Variants in TFDP2 observed in about 807,000 individuals in gnomAD.
TFDP2 encodes the protein transcription factor Dp-2 (E2F dimerization partner 2).
A neutral mutation model predicts 59.3 loss-of-function variants in TFDP2; 17 were observed. The observed-to-expected ratio is 0.29, with a 90% CI of 0.20 to 0.43. TFDP2 has a LOEUF of 0.43. Ranked by LOEUF, TFDP2 falls within the 20% of genes least tolerant of loss-of-function variation. The pLI is 1.00. For synonymous variants in TFDP2, 180 were observed against 194.7 expected (o/e 0.92, Z 0.63); for missense variants, 391 against 528.8 (o/e 0.74, Z 2.56).
chr3:142,099,710 A>G (rs904184168), intron 2 of TFDP2, among the ~76,000 whole-genome samples: 5 of 152,004 alleles, frequency 3.3e-5, no homozygotes, highest in African/African-American at 1.2e-4. Context: ...AAAAAAAAAA[A>G]AAAAGAAATG....
intron 1 of TFDP2, among the ~76,000 whole-genome samples, chr3:142,123,002 G>T (rs1311458017): frequency 1.3e-5 from 2 of 151,328 alleles, no homozygotes; most frequent in Non-Finnish European, 2.9e-5. Flanking sequence ...CCGTCGCTCA[G>T]ACTGGAGTGC....
intron 1 of TFDP2, among the ~76,000 whole-genome samples, chr3:142,105,882 A>G (rs1196633541): frequency 6.6e-6 from 1 of 152,186 alleles, no homozygotes; most frequent in Non-Finnish European, 1.5e-5. Context: ...AAATAGTAAG[A>G]GTCAGCCACT....
rs1028676993 is a variant in TFDP2, at chr3:142,149,287, G to A, written c.-197C>T. ...TCTGTGGCGCCCGCGCTTAGGCGGC[G>A]GCCGGGTCCCGGTGGACTCACACCC... On this transcript the variant is annotated 5_prime_UTR_variant, in exon 1 of 13. Coordinates refer to ENST00000489671, the MANE Select transcript of TFDP2 (RefSeq NM_001178139.2). 3 of 396,256 alleles carry A rather than the reference G, an allele frequency of 7.6e-6. No homozygotes were observed. In the East Asian group the frequency reaches 1.1e-4, roughly 14 times the overall value. The allele number at this position is 396,256 out of a possible 1,614,324, so 24.5% of individuals were successfully genotyped here.
At chr3:142,061,902 A>T (rs1214948217) in intron 3 of TFDP2, among the ~76,000 whole-genome samples, 7 of 119,302 alleles carry the variant, frequency 5.9e-5, no homozygotes, top group Non-Finnish European at 9.4e-5. Flanking sequence ...ACACACACAC[A>T]CACACACACA....
chr3:141,984,067 C>T (rs1440133178), intron 6 of TFDP2, among the ~76,000 whole-genome samples: 6 of 133,182 alleles, frequency 4.5e-5, no homozygotes, highest in Non-Finnish European at 8.2e-5. Flanking sequence ...CCCAACTGCC[C>T]ACCAATGAAT....
At chr3:142,049,004 T>C (rs775595163) in intron 3 of TFDP2, among the ~76,000 whole-genome samples, 8 of 152,210 alleles carry the variant, frequency 5.3e-5, no homozygotes, top group Non-Finnish European at 1.2e-4. Context: ...ATAACGAATA[T>C]GAAGGGCTTC....
chr3:141,969,176 A>C lies in TFDP2; in HGVS notation c.732+897T>G, dbSNP rs1287001327. Among the ~76,000 whole-genome samples the C allele has an allele frequency of 3.6e-4, 36 of 99,496 alleles. 2 individuals are homozygous for C. Among genetic ancestry groups the C allele is most frequent in the Non-Finnish European group, 5.6e-4 (30 of 53,614 alleles). 65.3% of individuals were successfully genotyped at this position (99,496 alleles called of 152,430 possible). A position where few individuals can be genotyped will look rare whatever the true frequency, so the allele number is the denominator to read the frequency against. On this transcript the variant is annotated intron_variant, in intron 9 of 12. Transcript: ENST00000489671. Reference sequence around the variant, plus strand: ...AGATATATATATAACATATATATATATCTCATATATATGAGATATATATAT... The same window carrying C: ...AGATATATATATAACATATATATATCTCTCATATATATGAGATATATATAT...
At chr3:142,010,646 A>T (rs1294629898) in intron 3 of TFDP2, among the ~76,000 whole-genome samples, 2 of 151,352 alleles carry the variant, frequency 1.3e-5, no homozygotes, top group Non-Finnish European at 3.0e-5. Context: ...ATCAGAGTGA[A>T]CAGGCAACCT....
chr3:141,998,047 T>C (rs1447712854), intron 4 of TFDP2, among the ~76,000 whole-genome samples: 1 of 152,102 alleles, frequency 6.6e-6, no homozygotes. Context: ...ACTCTGCTCC[T>C]TTCTCTTAGC....
chr3:142,047,294 T>C (rs975317253), intron 3 of TFDP2, among the ~76,000 whole-genome samples: 2 of 152,230 alleles, frequency 1.3e-5, no homozygotes, highest in African/African-American at 4.8e-5. Context: ...CTTTGAGCTA[T>C]GTATTCATCT....
intron 4 of TFDP2, 85 bp from the exon 5 acceptor site, chr3:141,995,226 CA>C: frequency 8.5e-7 from 1 of 1,179,380 alleles, no homozygotes; most frequent in Non-Finnish European, 1.1e-6. Context: ...TGCTAACCTA[CA>C]TATGAGGAAA....
intron 3 of TFDP2, among the ~76,000 whole-genome samples, chr3:142,013,319 C>T (rs1944869065): frequency 6.6e-6 from 1 of 152,032 alleles, no homozygotes; most frequent in Non-Finnish European, 1.5e-5. Context: ...AGTTGTAATA[C>T]CCAGAAATAA....
chr3:142,138,646 G>A lies in TFDP2; in HGVS notation c.-93+10537C>T, dbSNP rs144569484. 7.7e-3 allele frequency among the ~76,000 whole-genome samples: 1,176 copies of A among 152,182 alleles called. 19 individuals are homozygous for A. The highest frequency in any genetic ancestry group is 0.027 in the African/African-American group (1,117 of 41,546). Reference sequence around the variant, plus strand: ...TATGTACCCAGTAGTCATTCAGGAGGAGGTTGTTCAGTTTCCACGTAATTG... The same window carrying A: ...TATGTACCCAGTAGTCATTCAGGAGAAGGTTGTTCAGTTTCCACGTAATTG... On this transcript the variant is annotated intron_variant, in intron 1 of 12. Coordinates refer to ENST00000489671, the MANE Select transcript of TFDP2 (RefSeq NM_001178139.2).
chr3:142,073,606 A>C (rs1560114352), intron 3 of TFDP2, among the ~76,000 whole-genome samples: 1 of 152,132 alleles, frequency 6.6e-6, no homozygotes, highest in Admixed American at 6.5e-5. Context: ...CTCTTCCAAA[A>C]AGTCTGATTA....
intron 6 of TFDP2, among the ~76,000 whole-genome samples, chr3:141,986,369 A>G (rs1056287468): frequency 6.6e-6 from 1 of 152,146 alleles, no homozygotes; most frequent in African/African-American, 2.4e-5. Flanking sequence ...CCCAAACCCA[A>G]CACCTCAAGA....
intron 9 of TFDP2, 139 bp from the exon 10 acceptor site, chr3:141,964,102 A>T: frequency 4.2e-6 from 3 of 721,694 alleles, no homozygotes; most frequent in Non-Finnish European, 6.4e-6. Context: ...AATTAATTTA[A>T]AAAATTAAAC....
rs1009447101 is a variant in TFDP2, at chr3:142,034,088, A to T, written c.83-28544T>A. On this transcript the variant is annotated intron_variant, in intron 3 of 12. Transcript: ENST00000489671. ...TAGCCACTATCTCAGCTTTTGCACCAACTTTTTTTTTTTTTTTTTTTTTTG... is the reference window on the plus strand; with the variant it reads ...TAGCCACTATCTCAGCTTTTGCACCTACTTTTTTTTTTTTTTTTTTTTTTG... Among the ~76,000 whole-genome samples the T allele has an allele frequency of 4.2e-5, 5 of 118,202 alleles. No individual in the cohort carries two copies. The East Asian group carries it at 1.2e-3, about 29-fold the overall frequency. The allele number at this position is 118,202 out of a possible 152,430, so 77.5% of individuals were successfully genotyped here.
chr3:142,063,750 T>C (rs1159734438), intron 3 of TFDP2, among the ~76,000 whole-genome samples: 1 of 152,138 alleles, frequency 6.6e-6, no homozygotes, highest in Non-Finnish European at 1.5e-5. Flanking sequence ...GTGAAGCCTC[T>C]CAATAAAGCA....
intron 3 of TFDP2, among the ~76,000 whole-genome samples, chr3:142,025,509 C>A (rs947532959): frequency 6.6e-6 from 1 of 152,072 alleles, no homozygotes; most frequent in South Asian, 2.1e-4. Flanking sequence ...GTAAGTGATA[C>A]ACATTTTTTA....
Sources: gnomAD v4.1 joint callset for allele counts (sites outside exome capture counted in the v4.1 genomes callset) on GRCh38, gnomAD v4.1.1 for gene constraint, MANE v1.5 for transcripts, NCBI Gene and HGNC (gene_info 2026-07-23, HGNC 2026-07-21) for gene names.